Variants in TCF20 observed in about 807,000 individuals in gnomAD.
TCF20 encodes the protein SPRE-binding protein.
In TCF20, 3 loss-of-function variants were observed where a neutral mutation model predicts 148.6. That is an observed-to-expected ratio of 0.02 (90% CI 0.01 to 0.05). The LOEUF (loss-of-function observed/expected upper bound fraction) is 0.05. Ranked by LOEUF, TCF20 falls within the 10% of genes least tolerant of loss-of-function variation. The pLI is 1.00. For synonymous variants in TCF20, 1,049 were observed against 909.5 expected (o/e 1.15, Z -2.76); for missense variants, 2,350 against 2,429.3 (o/e 0.97, Z 0.69).
At position 42,317,651 on chromosome 22, in the gene TCF20, G is replaced by C. The variant is rs1161406856; in HGVS notation, c.-37+25828C>G. 1.3e-5 allele frequency among the ~76,000 whole-genome samples: 2 copies of C among 152,194 alleles called. No homozygotes were observed. The highest frequency in any genetic ancestry group is 2.9e-5 in the Non-Finnish European group (2 of 68,028). ...GCTCCTGCATTCCCGCTGGGGGCTG[G>C]GGGGGAAAGGGGTGTAGACTCAGCC... On this transcript the variant is annotated intron_variant, in intron 1 of 1. Transcript: ENST00000515426. This position sits in a 1 kb window ranked among gnomAD's most constrained non-coding sequence, Gnocchi z 4.2.
intron 1 of TCF20, among the ~76,000 whole-genome samples, chr22:42,341,022 G>T (rs1410753174): frequency 6.6e-6 from 1 of 152,132 alleles, no homozygotes; most frequent in Non-Finnish European, 1.5e-5. Context: ...GCGCAGCTCT[G>T]CTCCCAATTA....
At chr22:42,340,889 C>G (rs542439383) in intron 1 of TCF20, among the ~76,000 whole-genome samples, 1 of 137,328 alleles carries the variant, frequency 7.3e-6, no homozygotes, top group Non-Finnish European at 1.6e-5. Flanking sequence ...GGAAGCCCCC[C>G]CCCCCACCCC....
At chr22:42,182,127 C>G (rs1936807656) in intron 2 of TCF20, among the ~76,000 whole-genome samples, 1 of 152,208 alleles carries the variant, frequency 6.6e-6, no homozygotes, top group Non-Finnish European at 1.5e-5. Flanking sequence ...CAGGCCACCT[C>G]TAGCCTTGTT....
At position 42,212,719 on chromosome 22, in the gene TCF20, T is replaced by C. The variant is rs1251079322; in HGVS notation, c.2587A>G (p.Arg863Gly). ...GAAATATCACAGATCACTGATCTTC[T>C]TTCAGAGAGGGAACCCCCAGGCTCA... ...AHEPGGSLSE[R>G]RSVICDISPL... Residue 863 changes from arginine (R) to glycine (G), a missense_variant, in exon 2 of 6, where the codon AGA becomes GGA. Around this residue, in one of 7 missense-constraint regions of TCF20, gnomAD observed 1,641 missense variants for 1,662.6 expected, o/e 0.99. Transcript: ENST00000677622. The C allele has an allele frequency of 6.2e-7, 1 of 1,614,236 alleles. No individual in the cohort carries two copies. The highest frequency in any genetic ancestry group is 8.5e-7 in the Non-Finnish European group (1 of 1,180,042).
At chr22:42,245,117 A>G (rs1924795596) in intron 1 of TCF20, among the ~76,000 whole-genome samples, 1 of 152,128 alleles carries the variant, frequency 6.6e-6, no homozygotes, top group Non-Finnish European at 1.5e-5. Context: ...AAATCTCTAA[A>G]AAGGTGTAAC....
chr22:42,232,199 C>T (rs776619474), intron 1 of TCF20, among the ~76,000 whole-genome samples: 88 of 152,242 alleles, frequency 5.8e-4, no homozygotes, highest in Non-Finnish European at 1.1e-3. Context: ...CAATCTCCTA[C>T]AGCATTCAGT....
intron 1 of TCF20, among the ~76,000 whole-genome samples, chr22:42,329,571 G>T (rs896661906): frequency 6.6e-6 from 1 of 152,242 alleles, no homozygotes; most frequent in Non-Finnish European, 1.5e-5. Flanking sequence ...GATGGTGTGG[G>T]GTGGAAAAAG....
chr22:42,204,720 C>T (rs1293673347), intron 2 of TCF20, among the ~76,000 whole-genome samples: 2 of 152,074 alleles, frequency 1.3e-5, no homozygotes, highest in African/African-American at 4.8e-5. Context: ...TGGTGCATGA[C>T]TGCAGTCCCA....
intron 3 of TCF20, among the ~76,000 whole-genome samples, chr22:42,173,256 A>C (rs1569103158): frequency 6.6e-6 from 1 of 152,002 alleles, no homozygotes; most frequent in Admixed American, 6.6e-5. Context: ...AAAAAAAAAA[A>C]AACAGAGCTC....
At chr22:42,254,419 C>G (rs919940905) in intron 1 of TCF20, among the ~76,000 whole-genome samples, 1 of 152,246 alleles carries the variant, frequency 6.6e-6, no homozygotes, top group Non-Finnish European at 1.5e-5. Flanking sequence ...AACATTCACA[C>G]AGGGTACAGG....
rs187159529 is a variant in TCF20, at chr22:42,253,474, A to G, written c.-37+16865T>C. 1.5e-3 allele frequency among the ~76,000 whole-genome samples: 225 copies of G among 152,328 alleles called. 1 individual carries two copies. The highest frequency in any genetic ancestry group is 0.014 in the Middle Eastern group (4 of 294). On this transcript the variant is annotated intron_variant, in intron 1 of 5. Transcript: ENST00000677622. ...CTTCTCTAAAAGGGATTACATAAAT[A>G]TATTATCTCAACTACTATAATTAGA...
chr22:42,324,033 GGAGGTTA>G (rs1927809705), intron 1 of TCF20, among the ~76,000 whole-genome samples: 1 of 146,542 alleles, frequency 6.8e-6, no homozygotes, highest in Non-Finnish European at 1.5e-5. Flanking sequence ...TGGTGGTGAT[GGAGGTTA>G]TGGTGGTGGT....
At chr22:42,165,076 C>T (rs1048756340) in intron 5 of TCF20, among the ~76,000 whole-genome samples, 10 of 152,172 alleles carry the variant, frequency 6.6e-5, no homozygotes, top group African/African-American at 1.9e-4. Flanking sequence ...GGCAGGGAGG[C>T]GGGCACTATA....
chr22:42,278,423 A>G (rs1053553993), intron 1 of TCF20: 1 of 152,244 alleles, frequency 6.6e-6, no homozygotes, highest in East Asian at 1.9e-4. Context: ...GGGTTAAAAG[A>G]GCTTTCTAGA....
At position 42,182,228 on chromosome 22, in the gene TCF20, C is replaced by T. The variant is rs372140467; in HGVS notation, c.5656-2526G>A. 7.2e-5 allele frequency among the ~76,000 whole-genome samples: 11 copies of T among 152,238 alleles called. No homozygotes were observed. The East Asian group carries it at 7.7e-4, about 11-fold the overall frequency. ...TGGTAAGTGGCTCCACTTTCTAGCT[C>T]TGCCTTCTTGGCCAAACTCCTAACC... On this transcript the variant is annotated intron_variant, in intron 2 of 5. Coordinates refer to ENST00000677622, the MANE Select transcript of TCF20 (RefSeq NM_001378418.1).
rs1267829943 is a variant in TCF20 at position 42,270,471 on chromosome 22, CCGGCGGCGGGG to C, written c.-180_-170del. Among the ~76,000 whole-genome samples the C allele has an allele frequency of 1.4e-5, 2 of 144,188 alleles. No homozygotes were observed. The highest frequency in any genetic ancestry group is 2.1e-4 in the East Asian group (1 of 4,874). 94.6% of individuals were successfully genotyped at this position (144,188 alleles called of 152,430 possible). A position where few individuals can be genotyped will look rare whatever the true frequency, so the allele number is the denominator to read the frequency against. On this transcript the variant is annotated 5_prime_UTR_variant, in exon 1 of 6. Coordinates refer to ENST00000677622, the MANE Select transcript of TCF20 (RefSeq NM_001378418.1). ...GCCGCCTCCAGCTCGGGCGCCCGGG[CCGGCGGCGGGG>C]CGGGCCGGGGCCGCGGCCCCTCGAG...
At chr22:42,266,623 C>CA (rs996567915) in intron 1 of TCF20, among the ~76,000 whole-genome samples, 5 of 151,848 alleles carry the variant, frequency 3.3e-5, no homozygotes, top group African/African-American at 7.3e-5. Flanking sequence ...ACTAAAAATA[C>CA]AAAAAAATAG....
At position 42,161,222 on chromosome 22, in the gene TCF20, G is replaced by T. The variant is rs1162286970; in HGVS notation, c.*181C>A. ...GTGGTGTCACTGGTTTGAGTGTGAT[G>T]TGAGAACTTAAGGAAGTGCTGGCAT... On this transcript the variant is annotated 3_prime_UTR_variant, in exon 6 of 6. Transcript: ENST00000677622. 1 of 1,172,810 alleles carries T rather than the reference G, an allele frequency of 8.5e-7. No homozygotes were observed. Among genetic ancestry groups the T allele is most frequent in the African/African-American group, 1.6e-5 (1 of 63,850 alleles). The allele number at this position is 1,172,810 out of a possible 1,614,324, so 72.7% of individuals were successfully genotyped here.
At chr22:42,246,316 G>A (rs1924900106) in intron 1 of TCF20, among the ~76,000 whole-genome samples, 1 of 152,096 alleles carries the variant, frequency 6.6e-6, no homozygotes, top group Admixed American at 6.5e-5. Flanking sequence ...TGTTGGCCAG[G>A]CTGGTCTTAA....
Sources: allele counts gnomAD v4.1 joint callset (sites outside exome capture counted in the v4.1 genomes callset), GRCh38; gene constraint gnomAD v4.1.1; regional missense constraint gnomAD v4.1.1; non-coding constraint Gnocchi (gnomAD v3.1); transcripts MANE v1.5; gene names NCBI Gene and HGNC (gene_info 2026-07-23, HGNC 2026-07-21).